Variants in GINM1 observed in about 807,000 individuals in gnomAD.
GINM1 encodes glycosylated integral membrane protein 1, also known as glycoprotein integral membrane protein 1.
GINM1 carries 29 observed loss-of-function variants against 37.8 expected under a neutral mutation model. That is an observed-to-expected ratio of 0.77 (90% CI 0.57 to 1.05). The LOEUF (loss-of-function observed/expected upper bound fraction) is 1.05. Ranked by LOEUF, GINM1 falls within the 50% of genes least tolerant of loss-of-function variation. The probability of loss-of-function intolerance (pLI) is 0.00; values close to 1 mark genes in which losing one functional copy is unlikely to be tolerated. For synonymous variants in GINM1, 143 were observed against 146.2 expected (o/e 0.98, Z 0.16); for missense variants, 377 against 397.9 (o/e 0.95, Z 0.45).
chr6:149,581,522 T>A lies in GINM1; in HGVS notation c.717+799T>A, dbSNP rs1364992888. 2.0e-5 allele frequency among the ~76,000 whole-genome samples: 3 copies of A among 152,126 alleles called. No individual in the cohort carries two copies. In the East Asian group the frequency reaches 5.8e-4, roughly 29 times the overall value. On this transcript the variant is annotated intron_variant, in intron 6 of 7. Transcript: ENST00000367419. ...GCACTTAATCTCTCTACCCTCAGTT[T>A]CTTTATCTGTACAATGGGGCACCCA...
intron 3 of GINM1, among the ~76,000 whole-genome samples, chr6:149,574,692 C>T (rs1777888334): frequency 6.6e-6 from 1 of 152,074 alleles, no homozygotes; most frequent in Non-Finnish European, 1.5e-5. Context: ...GAGTTCGAGA[C>T]CAGCCTGGGC....
intron 3 of GINM1, among the ~76,000 whole-genome samples, chr6:149,575,051 AT>A (rs1777893983): frequency 1.3e-5 from 2 of 152,108 alleles, no homozygotes; most frequent in South Asian, 4.1e-4. Context: ...ATGTAGTCCA[AT>A]ATTCATGTGT....
intron 1 of GINM1, among the ~76,000 whole-genome samples, chr6:149,568,257 A>G (rs1777752561): frequency 6.6e-6 from 1 of 152,256 alleles, no homozygotes; most frequent in Non-Finnish European, 1.5e-5. Context: ...CTCAACAACA[A>G]AAAGTTTCAC....
intron 1 of GINM1, among the ~76,000 whole-genome samples, chr6:149,568,915 T>TTCGG: frequency 6.6e-6 from 1 of 152,192 alleles, no homozygotes; most frequent in South Asian, 2.1e-4. Context: ...CACTGCAGCC[T>TTCGG]CTGCCTCCCA....
At chr6:149,588,216 T>C (rs1489308690) in intron 7 of GINM1, among the ~76,000 whole-genome samples, 2 of 152,242 alleles carry the variant, frequency 1.3e-5, no homozygotes, top group African/African-American at 4.8e-5. Flanking sequence ...TTTTTTGGTT[T>C]TGCTACTAAA....
intron 3 of GINM1, among the ~76,000 whole-genome samples, chr6:149,573,018 A>G (rs1777854690): frequency 6.6e-6 from 1 of 152,084 alleles, no homozygotes; most frequent in Non-Finnish European, 1.5e-5. Flanking sequence ...GATGTTATAT[A>G]TTTCCATTTT....
At chr6:149,578,525 CAAAA>C (rs145601764) in intron 3 of GINM1, among the ~76,000 whole-genome samples, 2 of 71,420 alleles carry the variant, frequency 2.8e-5, no homozygotes. Context: ...GACTCCATCT[CAAAA>C]AAAAAAAAAA....
intron 3 of GINM1, 66 bp downstream of exon 3, chr6:149,572,669 T>C: frequency 9.6e-7 from 1 of 1,041,688 alleles, no homozygotes; most frequent in Non-Finnish European, 1.5e-6. Context: ...GTTGTTGTTG[T>C]TGTTTGTTTT....
At position 149,582,501 on chromosome 6, in the gene GINM1, T is replaced by A. The variant is rs774486657; in HGVS notation, c.779T>A (p.Phe260Tyr). The A allele has an allele frequency of 6.2e-7, 1 of 1,612,664 alleles. No homozygotes were observed. The highest frequency in any genetic ancestry group is 1.7e-5 in the Admixed American group (1 of 59,602). ...KDLCRFWSNV[F>Y]PVFFQFLNIM... ...CTGTGTAGGTTCTGGAGCAACGTTT[T>A]CCCAGTATTCTTTCAGTTTTTGAAC... is the stretch of plus-strand genomic sequence containing the variant. The change falls in exon 7 of 8, where the codon TTC (phenylalanine) becomes TAC (tyrosine). Residue 260 changes from phenylalanine (F) to tyrosine (Y), a missense_variant. By Grantham distance (22) the Phe-to-Tyr change is conservative. Transcript: ENST00000367419.
chr6:149,587,525 G>A (rs1778090957), intron 7 of GINM1, among the ~76,000 whole-genome samples: 1 of 152,124 alleles, frequency 6.6e-6, no homozygotes, highest in African/African-American at 2.4e-5. Flanking sequence ...ACAGATCTCA[G>A]GGAAACACCT....
chr6:149,582,533 G>T lies in GINM1; in HGVS notation c.811G>T (p.Val271Leu). ...PVFFQFLNIMVVGITGAAVVI... is the reference protein window; with the variant it reads ...PVFFQFLNIMLVGITGAAVVI... ...ATTCTTTCAGTTTTTGAACATCATG[G>T]TGGTTGGAATTACAGGAGCAGCTGT... Residue 271 changes from valine to leucine, a missense_variant, in exon 7 of 8, where the codon GTG becomes TTG. Transcript: ENST00000367419. 6.2e-7 allele frequency: 1 copy of T among 1,612,550 alleles called. No individual in the cohort carries two copies. Among genetic ancestry groups the T allele is most frequent in the Non-Finnish European group, 8.5e-7 (1 of 1,179,508 alleles).
chr6:149,579,054 A>G (rs1251269706), intron 4 of GINM1, 81 bp downstream of exon 4: 3 of 871,596 alleles, frequency 3.4e-6, no homozygotes, highest in Non-Finnish European at 5.1e-6. Flanking sequence ...CAGTTATTTT[A>G]TTTGTTTCCG....
chr6:149,580,571 C>G (rs981837055), intron 5 of GINM1, 22 bp from the exon 6 acceptor site: 2 of 1,596,716 alleles, frequency 1.3e-6, no homozygotes, highest in Admixed American at 3.5e-5. Flanking sequence ...ATTTTGGTAA[C>G]GTTGCTCTTT....
At chr6:149,574,047 ATT>A (rs35023561) in intron 3 of GINM1, among the ~76,000 whole-genome samples, 38,018 of 128,956 alleles carry the variant, frequency 0.29, 5,785 homozygotes, top group East Asian at 0.67. Flanking sequence ...TATACATAGG[ATT>A]TTTTTTTTTT....
At position 149,591,063 on chromosome 6, in the gene GINM1, T is replaced by C; in HGVS notation, c.*225T>C. On this transcript the variant is annotated 3_prime_UTR_variant, in exon 8 of 8. Coordinates refer to ENST00000367419, the MANE Select transcript of GINM1 (RefSeq NM_138785.5). ...TAATCCCAGGACTTTGGGAGGCCAA[T>C]GCGGGCGGATCACGAGGTCAGATCA... is the stretch of plus-strand genomic sequence containing the variant. The C allele has an allele frequency of 2.4e-6, 1 of 420,086 alleles. No homozygotes were observed. The highest frequency in any genetic ancestry group is 4.2e-5 in the Admixed American group (1 of 24,004). The allele number at this position is 420,086 out of a possible 1,614,324, so 26.0% of individuals were successfully genotyped here.
intron 1 of GINM1, among the ~76,000 whole-genome samples, chr6:149,570,402 A>G (rs1777801746): frequency 6.6e-6 from 1 of 151,934 alleles, no homozygotes; most frequent in Non-Finnish European, 1.5e-5. Context: ...CTCATAGCTC[A>G]TTGAATGTGG....
Position 149,590,940 on chromosome 6 carries a change from G to A in GINM1, c.*102G>A. On this transcript the variant is annotated 3_prime_UTR_variant, in exon 8 of 8. Coordinates refer to ENST00000367419, the MANE Select transcript of GINM1 (RefSeq NM_138785.5). ...TCGTTAAGAATCAGTTTATACACTAGAGAAATTGCTAAACTCTAAGACTGC... is the reference window on the plus strand; with the variant it reads ...TCGTTAAGAATCAGTTTATACACTAAAGAAATTGCTAAACTCTAAGACTGC... 1 of 619,968 alleles carries A rather than the reference G, an allele frequency of 1.6e-6. No individual in the cohort carries two copies. The highest frequency in any genetic ancestry group is 2.9e-6 in the Non-Finnish European group (1 of 350,426). The allele number at this position is 619,968 out of a possible 1,614,324, so 38.4% of individuals were successfully genotyped here.
At chr6:149,569,675 T>A (rs1053923813) in intron 1 of GINM1, among the ~76,000 whole-genome samples, 1 of 152,186 alleles carries the variant, frequency 6.6e-6, no homozygotes, top group African/African-American at 2.4e-5. Context: ...CTTCTAATAC[T>A]AAAATAACTT....
At position 149,582,492 on chromosome 6, in the gene GINM1, G is replaced by A. The variant is rs780022994; in HGVS notation, c.770G>A (p.Ser257Asn). The part of the protein sequence containing the change: ...KFRKDLCRFW[S>N]NVFPVFFQFL... ...AGAAAAGATCTGTGTAGGTTCTGGA[G>A]CAACGTTTTCCCAGTATTCTTTCAG... The change falls in exon 7 of 8, where the codon AGC (serine) becomes AAC (asparagine). Residue 257 changes from serine to asparagine, a missense_variant. By Grantham distance (46) the Ser-to-Asn change is conservative. Coordinates refer to ENST00000367419, the MANE Select transcript of GINM1 (RefSeq NM_138785.5). 2.5e-6 allele frequency: 4 copies of A among 1,612,358 alleles called. No homozygotes were observed. Among genetic ancestry groups the A allele is most frequent in the East Asian group, 2.2e-5 (1 of 44,764 alleles).
Sources: gnomAD v4.1 joint callset for allele counts (sites outside exome capture counted in the v4.1 genomes callset) on GRCh38, gnomAD v4.1.1 for gene constraint, MANE v1.5 for transcripts, NCBI Gene and HGNC (gene_info 2026-07-23, HGNC 2026-07-21) for gene names.